The following NLK variants were observed in gnomAD, a reference collection of about 807,000 sequenced individuals.
NLK encodes nemo like kinase.
In NLK, 11 loss-of-function variants were observed where a neutral mutation model predicts 59.0. The ratio of observed to expected loss-of-function variants is 0.19; its 90% CI spans 0.12 to 0.31. NLK has a LOEUF of 0.31. Among genes scored for constraint, NLK ranks in the 10% least tolerant of loss-of-function variants. NLK has a pLI of 1.00. For synonymous variants in NLK, 235 were observed against 235.9 expected (o/e 1.00, Z 0.03); for missense variants, 410 against 661.1 (o/e 0.62, Z 4.16).
intron 4 of NLK, among the ~76,000 whole-genome samples, chr17:28,162,717 G>A (rs1390993178): frequency 6.6e-6 from 1 of 152,062 alleles, no homozygotes; most frequent in Admixed American, 6.5e-5. Flanking sequence ...GGCTCTTTTT[G>A]TACTTGTGAA....
In NLK at chr17:28,172,515, A is replaced by T. The variant is rs1251262751; in HGVS notation, c.1048-2A>T. 1 of 1,562,892 alleles carries T rather than the reference A, an allele frequency of 6.4e-7. No individual in the cohort carries two copies. The highest frequency in any genetic ancestry group is 8.7e-7 in the Non-Finnish European group (1 of 1,154,020). On this transcript the variant is annotated splice_acceptor_variant, in intron 6 of 10. Coordinates refer to ENST00000407008, the MANE Select transcript of NLK (RefSeq NM_016231.5). LOFTEE classifies it high-confidence loss of function. ...ATCTATCTGTATTTTATTTCCTTGT[A>T]GTTGGATTTGATCACGGATCTGTTG...
chr17:28,160,440 A>G (rs1907959045), intron 3 of NLK, among the ~76,000 whole-genome samples: 1 of 152,186 alleles, frequency 6.6e-6, no homozygotes, highest in Non-Finnish European at 1.5e-5. Flanking sequence ...TCCCTAATGT[A>G]TCTAACACGT....
intron 1 of NLK, among the ~76,000 whole-genome samples, chr17:28,049,823 A>G (rs904331239): frequency 6.6e-6 from 1 of 152,150 alleles, no homozygotes; most frequent in African/African-American, 2.4e-5. Context: ...TCTACTAAAA[A>G]TGCAAAATTA....
chr17:28,084,729 A>G (rs1300449024), intron 1 of NLK, among the ~76,000 whole-genome samples: 2 of 152,026 alleles, frequency 1.3e-5, no homozygotes, highest in Non-Finnish European at 1.5e-5. Context: ...ATGCCCGGCT[A>G]ATTTTTGTAT....
At chr17:28,070,126 C>T (rs1909958712) in intron 1 of NLK, among the ~76,000 whole-genome samples, 1 of 151,730 alleles carries the variant, frequency 6.6e-6, no homozygotes, top group Admixed American at 6.6e-5. Flanking sequence ...ATCCCAGCTA[C>T]TCAGGAGGCT....
chr17:28,071,970 C>T (rs541563547), intron 1 of NLK, among the ~76,000 whole-genome samples: 3 of 152,288 alleles, frequency 2.0e-5, no homozygotes, highest in East Asian at 1.9e-4. Flanking sequence ...AGTTCATTTA[C>T]GTTCTTTGAG....
intron 5 of NLK, among the ~76,000 whole-genome samples, chr17:28,166,075 C>T (rs568541328): frequency 7.9e-5 from 12 of 152,222 alleles, no homozygotes; most frequent in Admixed American, 2.0e-4. Context: ...ATTAGCCAGG[C>T]GTGGTGGCGC....
intron 7 of NLK, among the ~76,000 whole-genome samples, chr17:28,177,685 C>G (rs1427075230): frequency 6.6e-6 from 1 of 152,186 alleles, no homozygotes; most frequent in African/African-American, 2.4e-5. Flanking sequence ...TCCTAAATAG[C>G]TCCAGAAAAA....
intron 3 of NLK, among the ~76,000 whole-genome samples, chr17:28,146,006 A>C (rs1222319846): frequency 3.9e-5 from 6 of 152,190 alleles, no homozygotes; most frequent in Non-Finnish European, 8.8e-5. Flanking sequence ...GCACCCAGCC[A>C]AAAGGAGCTT....
chr17:28,082,915 G>T (rs1057500630), intron 1 of NLK, among the ~76,000 whole-genome samples: 5 of 152,202 alleles, frequency 3.3e-5, no homozygotes, highest in Non-Finnish European at 7.4e-5. Flanking sequence ...GCTATACTAT[G>T]TAGTCTAATG....
At chr17:28,161,750 G>A (rs369220301) in intron 4 of NLK, among the ~76,000 whole-genome samples, 1 of 152,122 alleles carries the variant, frequency 6.6e-6, no homozygotes, top group South Asian at 2.1e-4. Context: ...AGATTGGGAA[G>A]ACCAATAAAC....
chr17:28,140,293 T>C (rs1906932902), intron 3 of NLK, among the ~76,000 whole-genome samples: 1 of 152,200 alleles, frequency 6.6e-6, no homozygotes, highest in African/African-American at 2.4e-5. Flanking sequence ...AAATGTACTT[T>C]AAAATCTTAA....
rs1455063821 is a variant in NLK, at chr17:28,122,657, C to T, written c.513C>T (p.Asn171=). Residue 171 remains asparagine (N), a synonymous_variant, in exon 2 of 11, where the codon AAC becomes AAT. Transcript: ENST00000407008. The part of the protein sequence containing the change: ...GKRVALKKMP[N]VFQNLVSCKR... ...GAGTAGCGCTCAAAAAGATGCCCAA[C>T]GTCTTCCAGAATCTGGTCTCTTGCA... is the stretch of plus-strand genomic sequence containing the variant. 4 of 1,613,702 alleles carry T rather than the reference C, an allele frequency of 2.5e-6. No homozygotes were observed. Among genetic ancestry groups the T allele is most frequent in the Admixed American group, 1.7e-5 (1 of 60,004 alleles).
downstream of NLK, among the ~76,000 whole-genome samples, chr17:28,199,906 C>T (rs1909586524): frequency 6.6e-6 from 1 of 152,010 alleles, no homozygotes; most frequent in African/African-American, 2.4e-5. Flanking sequence ...GGTTGACTGC[C>T]CTGGAGTACT....
intron 7 of NLK, among the ~76,000 whole-genome samples, chr17:28,184,507 C>T (rs1454547348): frequency 6.6e-6 from 1 of 152,136 alleles, no homozygotes; most frequent in East Asian, 1.9e-4. Context: ...TTGGAAGCCT[C>T]CCGTGTACGC....
chr17:28,137,802 G>T (rs1037232576), intron 3 of NLK, among the ~76,000 whole-genome samples: 2 of 152,052 alleles, frequency 1.3e-5, no homozygotes, highest in African/African-American at 4.8e-5. Context: ...TTATAAATCT[G>T]CCTACAGGGT....
intron 7 of NLK, among the ~76,000 whole-genome samples, chr17:28,183,141 AGCCCT>A (rs1158856595): frequency 6.6e-6 from 1 of 152,200 alleles, no homozygotes; most frequent in Non-Finnish European, 1.5e-5. Flanking sequence ...GGATCGCTTG[AGCCCT>A]GCCTGGGCAA....
At chr17:28,161,297 G>C in intron 4 of NLK, 31 bp downstream of exon 4, 2 of 1,153,372 alleles carry the variant, frequency 1.7e-6, no homozygotes. Flanking sequence ...AAAAGGTGCT[G>C]TCACACTGTA....
Position 28,042,714 on chromosome 17 carries a change from C to T in NLK, c.-160C>T. ...CACACCCTTCCACACACGCTCACCC[C>T]AAAATTAAACACCAAGATCCTCTAA... On this transcript the variant is annotated 5_prime_UTR_variant, in exon 1 of 11. Transcript: ENST00000407008. 3 of 639,174 alleles carry T rather than the reference C, an allele frequency of 4.7e-6. No individual in the cohort carries two copies. Among genetic ancestry groups the T allele is most frequent in the Non-Finnish European group, 7.5e-6 (3 of 399,060 alleles). The allele number at this position is 639,174 out of a possible 1,614,324, so 39.6% of individuals were successfully genotyped here.
Sources: allele counts gnomAD v4.1 joint callset (sites outside exome capture counted in the v4.1 genomes callset), GRCh38; gene constraint gnomAD v4.1.1; transcripts MANE v1.5; gene names NCBI Gene and HGNC (gene_info 2026-07-23, HGNC 2026-07-21).